MME: variants seen among roughly 807,000 people sequenced by gnomAD.
The protein encoded by MME is membrane metalloendopeptidase, also known as neprilysin.
In MME, 98 loss-of-function variants were observed where a neutral mutation model predicts 113.2. The observed-to-expected ratio is 0.87, with a 90% CI of 0.74 to 1.02. The LOEUF (loss-of-function observed/expected upper bound fraction) is 1.02. Among genes scored for constraint, MME ranks in the 50% least tolerant of loss-of-function variants. The pLI is 0.00. For synonymous variants in MME, 292 were observed against 300.6 expected (o/e 0.97, Z 0.30); for missense variants, 836 against 896.0 (o/e 0.93, Z 0.86).
chr3:155,034,330 C>T (rs1441954620), intron 1 of MME, among the ~76,000 whole-genome samples: 1 of 152,140 alleles, frequency 6.6e-6, no homozygotes, highest in East Asian at 1.9e-4. Flanking sequence ...ATTTTCCCTC[C>T]AAGTATGCTT....
upstream of MME, among the ~76,000 whole-genome samples, chr3:155,077,918 C>G (rs1203177281): frequency 6.6e-6 from 1 of 151,156 alleles, no homozygotes; most frequent in African/African-American, 2.4e-5. Context: ...TAAAAGAGTC[C>G]TCACCGCCAG....
At chr3:155,054,139 C>G (rs1408310198) in intron 1 of MME, among the ~76,000 whole-genome samples, 1 of 152,176 alleles carries the variant, frequency 6.6e-6, no homozygotes, top group Non-Finnish European at 1.5e-5. Flanking sequence ...CCCTAGTACA[C>G]TAGTACAGTG....
At chr3:155,063,815 C>G (rs1373041728) in intron 1 of MME, among the ~76,000 whole-genome samples, 2 of 149,690 alleles carry the variant, frequency 1.3e-5, no homozygotes, top group Non-Finnish European at 3.0e-5. Flanking sequence ...TTTATATGGT[C>G]TCTTGGTAAT....
intron 7 of MME, among the ~76,000 whole-genome samples, chr3:155,118,057 C>T (rs561586679): frequency 2.0e-5 from 3 of 152,272 alleles, no homozygotes; most frequent in South Asian, 4.1e-4. Flanking sequence ...GACACGTTAG[C>T]GCAAAACTGA....
At position 155,141,980 on chromosome 3, in the gene MME, CTTTTTTCCAGCCATTCAGCTGGTTGAA is replaced by C. The variant is rs1452775986; in HGVS notation, c.958-7_977del. 1 of 1,613,240 alleles carries C rather than the reference CTTTTTTCCAGCCATTCAGCTGGTTGAA, an allele frequency of 6.2e-7. No homozygotes were observed. Among genetic ancestry groups the C allele is most frequent in the East Asian group, 2.2e-5 (1 of 44,852 alleles). On this transcript the variant is annotated splice_acceptor_variant and splice_polypyrimidine_tract_variant and coding_sequence_variant and intron_variant, in exon 11 of 23. Coordinates refer to ENST00000360490, the MANE Select transcript of MME (RefSeq NM_007289.4). LOFTEE classifies it high-confidence loss of function. ...ACAATTTCTGAATGTTTCATGCCTG[CTTTTTTCCAGCCATTCAGCTGGTTGAA>C]TTTCACAAATGAAATCATGTCAACT... is the stretch of plus-strand genomic sequence containing the variant.
At position 155,142,341 on chromosome 3, in the gene MME, A is replaced by T; in HGVS notation, c.1188+11A>T. The T allele has an allele frequency of 6.2e-7, 1 of 1,602,850 alleles. No homozygotes were observed. The highest frequency in any genetic ancestry group is 8.5e-7 in the Non-Finnish European group (1 of 1,169,898). On this transcript the variant is annotated intron_variant, in intron 12 of 22. Coordinates refer to ENST00000360490, the MANE Select transcript of MME (RefSeq NM_007289.4). The stretch of plus-strand genomic sequence containing the variant: ...AATGCTTTCCGCAAGGTGAAGAAAA[A>T]ATCTCTCTTTTCTTAAGACTTAAAG...
rs1345316322 is a variant in MME, at chr3:155,084,327, GGTGA to G, written c.160+3_160+6del. On this transcript the variant is annotated splice_donor_variant and splice_donor_region_variant and intron_variant, in intron 2 of 22. Coordinates refer to ENST00000360490, the MANE Select transcript of MME (RefSeq NM_007289.4). LOFTEE classifies it high-confidence loss of function. ...GATCGCACTCTATGCAACCTACGAT[GGTGA>G]GTTACTCCCACACCTGTGCATCCAT... 1 of 1,613,858 alleles carries G rather than the reference GGTGA, an allele frequency of 6.2e-7. No homozygotes were observed. Among genetic ancestry groups the G allele is most frequent in the Non-Finnish European group, 8.5e-7 (1 of 1,179,974 alleles).
At chr3:155,026,190 G>A (rs1342307745) in intron 1 of MME, among the ~76,000 whole-genome samples, 1 of 151,862 alleles carries the variant, frequency 6.6e-6, no homozygotes, top group Admixed American at 6.6e-5. Flanking sequence ...TTGTTTGTTG[G>A]GGTAGGGGGG....
At chr3:155,110,064 T>C (rs1014273047) in intron 3 of MME, among the ~76,000 whole-genome samples, 1 of 152,208 alleles carries the variant, frequency 6.6e-6, no homozygotes, top group East Asian at 1.9e-4. Context: ...TTGTTGGTGA[T>C]AAGTCCGACA....
intron 14 of MME, among the ~76,000 whole-genome samples, chr3:155,146,101 C>T (rs1211051059): frequency 6.6e-6 from 1 of 151,078 alleles, no homozygotes; most frequent in East Asian, 1.9e-4. Context: ...AATCAAAAGT[C>T]AAGTATCATT....
intron 1 of MME, among the ~76,000 whole-genome samples, chr3:155,070,140 T>A (rs1446028445): frequency 1.3e-5 from 2 of 152,244 alleles, no homozygotes. Context: ...TTTTCAATTA[T>A]ATACAATATT....
chr3:155,057,128 G>A (rs1713959152), intron 1 of MME, among the ~76,000 whole-genome samples: 1 of 152,068 alleles, frequency 6.6e-6, no homozygotes, highest in South Asian at 2.1e-4. Context: ...CTTCTGCACA[G>A]CAAAAGAAAC....
At chr3:155,148,960 A>G (rs191536009) in intron 16 of MME, among the ~76,000 whole-genome samples, 263 of 152,256 alleles carry the variant, frequency 1.7e-3, no homozygotes, top group Non-Finnish European at 1.8e-4. Flanking sequence ...AGCTTAAGTA[A>G]GCCAATTCAT....
Position 155,142,241 on chromosome 3 carries a change from C to T in MME, c.1099C>T (p.Leu367Phe). 6.2e-7 allele frequency: 1 copy of T among 1,613,412 alleles called. No homozygotes were observed. Among genetic ancestry groups the T allele is most frequent in the Non-Finnish European group, 8.5e-7 (1 of 1,179,552 alleles). ...GCGGTGGTTTTTTTTATACAGAGAT[C>T]TTCAAAATTTAATGTCCTGGAGATT... ...PILTKYSARD[L>F]QNLMSWRFIM... The change falls in exon 12 of 23, where the codon CTT becomes TTT. Residue 367 changes from leucine (L) to phenylalanine (F), a missense_variant. Coordinates refer to ENST00000360490, the MANE Select transcript of MME (RefSeq NM_007289.4).
chr3:155,060,392 G>A lies in MME; in HGVS notation c.-10-23766G>A, dbSNP rs537536791. The stretch of plus-strand genomic sequence containing the variant: ...CAGGTAATTAAGGGTAAATATATTG[G>A]TTTTTCTGGTCCTTAGTTTACTCAT... On this transcript the variant is annotated intron_variant, in intron 1 of 22. Coordinates refer to the MME transcript ENST00000492661. Among the ~76,000 whole-genome samples, 16 of 152,234 alleles carry A rather than the reference G, an allele frequency of 1.1e-4. No homozygotes were observed. The South Asian group carries it at 3.3e-3, about 32-fold the overall frequency.
rs1576634233 is a variant in MME, at chr3:155,140,235, T to C, written c.900T>C (p.Tyr300=). Residue 300 remains tyrosine, a synonymous_variant, in exon 10 of 23, where the codon TAT becomes TAC. Coordinates refer to ENST00000360490, the MANE Select transcript of MME (RefSeq NM_007289.4). ...ATCGAAATGATCCAATGCTTCTGTATAACAAGATGACATTGGCCCAGATCC... is the reference window on the plus strand; with the variant it reads ...ATCGAAATGATCCAATGCTTCTGTACAACAAGATGACATTGGCCCAGATCC... ...PEDRNDPMLL[Y]NKMTLAQIQN... The C allele has an allele frequency of 2.5e-6, 4 of 1,612,952 alleles. No homozygotes were observed. The highest frequency in any genetic ancestry group is 3.4e-6 in the Non-Finnish European group (4 of 1,179,350).
rs1723139006 is a variant in MME at position 155,166,926 on chromosome 3, C to T, written c.1685C>T (p.Pro562Leu). The part of the protein sequence containing the change: ...QIVFPAGILQ[P>L]PFFSAQQSNS... ...GTCTTCCCAGCCGGCATTCTGCAGC[C>T]CCCCTTCTTTAGTGCCCAGCAGTCC... The change falls in exon 18 of 23, where the codon CCC (proline) becomes CTC (leucine). Residue 562 changes from proline (P) to leucine (L), a missense_variant. By Grantham distance (98) the Pro-to-Leu change is moderately conservative. Transcript: ENST00000360490. The T allele has an allele frequency of 6.2e-7, 1 of 1,613,684 alleles. No homozygotes were observed. The highest frequency in any genetic ancestry group is 1.3e-5 in the African/African-American group (1 of 74,994).
chr3:155,183,725 C>G (rs1385841086), downstream of MME: 1 of 152,192 alleles, frequency 6.6e-6, no homozygotes, highest in African/African-American at 2.4e-5. Flanking sequence ...GCCTAGTCAA[C>G]TCTGTTCCAA....
Position 155,118,831 on chromosome 3 carries a change from T to A in MME, c.720+20T>A. 1.4e-6 allele frequency: 2 copies of A among 1,466,520 alleles called. No homozygotes were observed. The highest frequency in any genetic ancestry group is 1.9e-6 in the Non-Finnish European group (2 of 1,055,302). 90.8% of individuals were successfully genotyped at this position (1,466,520 alleles called of 1,614,324 possible). On this transcript the variant is annotated intron_variant, in intron 8 of 22. Coordinates refer to ENST00000360490, the MANE Select transcript of MME (RefSeq NM_007289.4). ...AAAGAGGTAAAAAGAAAAAAAATAA[T>A]CAAAACCAAACTACAAAATGATCTG... is the stretch of plus-strand genomic sequence containing the variant.
Sources: allele counts gnomAD v4.1 joint callset (sites outside exome capture counted in the v4.1 genomes callset), GRCh38; gene constraint gnomAD v4.1.1; transcripts MANE v1.5; gene names NCBI Gene and HGNC (gene_info 2026-07-23, HGNC 2026-07-21).